Variants in HDAC4 observed in about 807,000 individuals in gnomAD.
HDAC4 encodes histone deacetylase 4.
Under a neutral mutation model 135.1 loss-of-function variants are expected in HDAC4, and 16 were observed. That is an observed-to-expected ratio of 0.12 (90% confidence interval 0.08 to 0.18). HDAC4 has a LOEUF of 0.18. HDAC4 is among the 10% of genes least tolerant of loss of function. The pLI is 1.00. For missense variants in HDAC4, 1,143 were observed against 1,511.8 expected (o/e 0.76, Z 4.05); for synonymous variants, 685 against 653.4 (o/e 1.05, Z -0.74).
intron 1 of HDAC4, among the ~76,000 whole-genome samples, chr2:239,381,294 T>G (rs1362121547): frequency 1.3e-5 from 2 of 152,254 alleles, no homozygotes; most frequent in East Asian, 3.8e-4. Context: ...TTTCTTTTTA[T>G]GTAGTCACTA....
chr2:239,247,068 G>C (rs542898347), intron 2 of HDAC4, among the ~76,000 whole-genome samples: 14 of 152,400 alleles, frequency 9.2e-5, no homozygotes, highest in African/African-American at 3.4e-4. Context: ...TTTCTGGATA[G>C]GTTCCCTTCA....
intron 3 of HDAC4, among the ~76,000 whole-genome samples, chr2:239,207,514 C>A (rs1164617874): frequency 6.6e-6 from 1 of 151,972 alleles, no homozygotes; most frequent in African/African-American, 2.4e-5. Context: ...AAAGAATAGG[C>A]ACAAATTAAA....
At chr2:239,073,386 G>A (rs776366277) in intron 22 of HDAC4, among the ~76,000 whole-genome samples, 12 of 152,232 alleles carry the variant, frequency 7.9e-5, no homozygotes, top group Non-Finnish European at 1.2e-4. Flanking sequence ...CCTGCCACGG[G>A]TCAGATAGGA....
chr2:239,080,755 T>G (rs2035234405), intron 22 of HDAC4, among the ~76,000 whole-genome samples: 1 of 152,254 alleles, frequency 6.6e-6, no homozygotes, highest in Non-Finnish European at 1.5e-5. Context: ...TAGGAGATCA[T>G]GAGACCCTGC....
chr2:239,102,936 A>C (rs886952786), intron 15 of HDAC4, 40 bp from the exon 16 acceptor site: 1 of 1,613,132 alleles, frequency 6.2e-7, no homozygotes, highest in Middle Eastern at 1.7e-4. Context: ...CGTTCTGCAG[A>C]AGCTGCTGCT....
Position 239,094,823 on chromosome 2 carries a change from G to A in HDAC4, c.2280+187C>T, listed in dbSNP as rs1372205836. On this transcript the variant is annotated intron_variant, in intron 17 of 26. Transcript: ENST00000543185. ...GCCAGACAACCTTCCCCAGAGAAAGGTGCCCGAGTCGGCGATCAAAACGCT... is the reference window on the plus strand; with the variant it reads ...GCCAGACAACCTTCCCCAGAGAAAGATGCCCGAGTCGGCGATCAAAACGCT... The A allele has an allele frequency of 6.8e-6, 10 of 1,474,764 alleles. No homozygotes were observed. In the East Asian group the frequency reaches 2.6e-4, roughly 39 times the overall value. The allele number at this position is 1,474,764 out of a possible 1,614,324, so 91.4% of individuals were successfully genotyped here.
At chr2:239,183,959 A>G (rs1048299803) in intron 4 of HDAC4, among the ~76,000 whole-genome samples, 7 of 151,876 alleles carry the variant, frequency 4.6e-5, no homozygotes, top group Admixed American at 2.0e-4. Context: ...CACACTATCA[A>G]CTAAACAGCT....
At chr2:239,322,096 A>T (rs529274047) in intron 2 of HDAC4, among the ~76,000 whole-genome samples, 2 of 152,322 alleles carry the variant, frequency 1.3e-5, no homozygotes, top group African/African-American at 4.8e-5. Context: ...TACTGGTTAC[A>T]CCCTATGTAA....
chr2:239,221,308 ACAC>A (rs1245460766), intron 3 of HDAC4, among the ~76,000 whole-genome samples: 1 of 152,166 alleles, frequency 6.6e-6, no homozygotes, highest in African/African-American at 2.4e-5. Context: ...GTGCCACCTG[ACAC>A]CACATCAGGG....
intron 19 of HDAC4, among the ~76,000 whole-genome samples, chr2:239,086,279 C>T (rs894447135): frequency 1.3e-5 from 1 of 76,958 alleles, no homozygotes; most frequent in Non-Finnish European, 2.6e-5. Context: ...CTATCTCGCA[C>T]GTAGTCTCTT....
At chr2:239,346,016 ACAC>A (rs1692622751) in intron 2 of HDAC4, among the ~76,000 whole-genome samples, 1 of 143,734 alleles carries the variant, frequency 7.0e-6, no homozygotes, top group African/African-American at 2.7e-5. Flanking sequence ...ACTCTCACAC[ACAC>A]ATCCTAACAC....
intron 1 of HDAC4, among the ~76,000 whole-genome samples, chr2:239,371,112 CT>C (rs1270451225): frequency 2.6e-5 from 4 of 152,244 alleles, no homozygotes; most frequent in Admixed American, 2.6e-4. Flanking sequence ...CAGAGTCCAC[CT>C]TTGTCCAGGC....
chr2:239,119,284 C>A (rs191867556), intron 12 of HDAC4, among the ~76,000 whole-genome samples: 1 of 152,140 alleles, frequency 6.6e-6, no homozygotes, highest in Non-Finnish European at 1.5e-5. Context: ...TGGCACAGAG[C>A]GCTGAGGACA....
chr2:239,397,961 C>T (rs1696676184), intron 1 of HDAC4, among the ~76,000 whole-genome samples: 1 of 152,234 alleles, frequency 6.6e-6, no homozygotes, highest in Non-Finnish European at 1.5e-5. Context: ...TCCTTTCCGA[C>T]TCCTTACCCC....
At chr2:239,298,258 G>A (rs2052032842) in intron 2 of HDAC4, 20 of 1,286,494 alleles carry the variant, frequency 1.6e-5, no homozygotes, top group Non-Finnish European at 1.9e-5. Context: ...CAGGCTTGAC[G>A]ACAGACTGGG....
intron 5 of HDAC4, among the ~76,000 whole-genome samples, chr2:239,173,351 T>C (rs914713235): frequency 5.3e-5 from 8 of 152,222 alleles, no homozygotes; most frequent in Non-Finnish European, 1.2e-4. Context: ...TTAGAATTTA[T>C]ATTCAAATAA....
At chr2:239,226,935 T>C (rs1330742654) in intron 3 of HDAC4, among the ~76,000 whole-genome samples, 1 of 152,092 alleles carries the variant, frequency 6.6e-6, no homozygotes, top group African/African-American at 2.4e-5. Context: ...GTTGTCAGGA[T>C]CCCTCCAAGA....
At chr2:239,380,208 T>C (rs1285683348) in intron 1 of HDAC4, among the ~76,000 whole-genome samples, 1 of 152,206 alleles carries the variant, frequency 6.6e-6, no homozygotes, top group East Asian at 1.9e-4. Context: ...GAAATCCCAC[T>C]GCGGAATGCG....
intron 3 of HDAC4, among the ~76,000 whole-genome samples, chr2:239,233,729 A>C (rs1304463383): frequency 6.6e-6 from 1 of 152,216 alleles, no homozygotes; most frequent in Non-Finnish European, 1.5e-5. Flanking sequence ...AATGGTCAGG[A>C]AACAGGACAG....
Sources: gnomAD v4.1 joint callset for allele counts (sites outside exome capture counted in the v4.1 genomes callset) on GRCh38, gnomAD v4.1.1 for gene constraint, MANE v1.5 for transcripts, NCBI Gene and HGNC (gene_info 2026-07-23, HGNC 2026-07-21) for gene names.